Variants in ZNF454 observed in about 807,000 individuals in gnomAD.
The protein encoded by ZNF454 is zinc finger protein 454.
In ZNF454, 30 loss-of-function variants were observed where a neutral mutation model predicts 48.2. The observed-to-expected ratio is 0.62, with a 90% CI of 0.47 to 0.84. ZNF454 has a LOEUF of 0.84. ZNF454 is among the 40% of genes least tolerant of loss of function. ZNF454 has a pLI of 0.00. For synonymous variants in ZNF454, 204 were observed against 211.4 expected (o/e 0.97, Z 0.30); for missense variants, 510 against 623.1 (o/e 0.82, Z 1.93).
intron 4 of ZNF454, among the ~76,000 whole-genome samples, chr5:178,959,636 C>T (rs1374401249): frequency 2.0e-5 from 3 of 151,894 alleles, no homozygotes; most frequent in Non-Finnish European, 2.9e-5. Flanking sequence ...GACGGAGTCT[C>T]GCTCTGTTGC....
At chr5:178,984,802 T>TCGCCGGGAGTGGACAG in the ZNF454 span, among the ~76,000 whole-genome samples, 1 of 152,076 alleles carries the variant, frequency 6.6e-6, no homozygotes, top group Non-Finnish European at 1.5e-5. Context: ...GAGAAGGGGC[T>TCGCCGGGAGTGGACAG]CGCCGGGAGT....
chr5:178,961,176 G>A (rs978431098), intron 4 of ZNF454, among the ~76,000 whole-genome samples: 17 of 151,434 alleles, frequency 1.1e-4, no homozygotes, highest in African/African-American at 3.4e-4. Context: ...TGATCTGTCC[G>A]CCTCAGCCTC....
At chr5:178,954,934 C>T (rs1490501501) in intron 4 of ZNF454, among the ~76,000 whole-genome samples, 8 of 152,222 alleles carry the variant, frequency 5.3e-5, no homozygotes, top group African/African-American at 9.6e-5. Context: ...GGATGTACCA[C>T]GGTTTGCTCA....
intron 4 of ZNF454, among the ~76,000 whole-genome samples, chr5:178,955,735 TC>T (rs1295709451): frequency 6.6e-6 from 1 of 152,226 alleles, no homozygotes; most frequent in Non-Finnish European, 1.5e-5. Context: ...AAAATTTGTG[TC>T]AAAATGCTGT....
chr5:178,979,738 A>C, the ZNF454 span: 2 of 152,406 alleles, frequency 1.3e-5, no homozygotes, highest in Admixed American at 1.3e-4. Context: ...TAGAAGCCAG[A>C]GCGCACTGCA....
chr5:178,963,714 T>C (rs1760063268), intron 4 of ZNF454, among the ~76,000 whole-genome samples: 1 of 151,758 alleles, frequency 6.6e-6, no homozygotes, highest in Non-Finnish European at 1.5e-5. Flanking sequence ...TTCCCTCCCA[T>C]GGGTGTCACA....
the ZNF454 span, chr5:178,979,014 G>A: frequency 3.7e-3 from 571 of 152,442 alleles, 3 homozygotes; most frequent in Non-Finnish European, 5.8e-3. Context: ...CACTTTGGGA[G>A]GTGGAGGCAG....
At chr5:178,954,836 C>G (rs185906894) in intron 4 of ZNF454, among the ~76,000 whole-genome samples, 1 of 152,184 alleles carries the variant, frequency 6.6e-6, no homozygotes, top group South Asian at 2.1e-4. Context: ...TGTCTGGCTT[C>G]TTTACTGGCA....
chr5:178,955,333 G>C (rs1436027620), intron 4 of ZNF454, among the ~76,000 whole-genome samples: 1 of 152,140 alleles, frequency 6.6e-6, no homozygotes, highest in East Asian at 1.9e-4. Flanking sequence ...GTTAGCAGTA[G>C]GCTTTTTGTA....
At chr5:178,942,535 G>GT (rs1759147650) in intron 1 of ZNF454, 150 bp from the exon 2 acceptor site, 4 of 484,882 alleles carry the variant, frequency 8.2e-6, no homozygotes, top group Non-Finnish European at 1.1e-5. Flanking sequence ...TCAATGTATA[G>GT]TACCCTCAGA....
At chr5:178,947,084 G>GGATT (rs1759369284) in intron 4 of ZNF454, 98 bp downstream of exon 4, 1 of 967,568 alleles carries the variant, frequency 1.0e-6, no homozygotes, top group Non-Finnish European at 1.6e-6. Context: ...ACCTGCCTGA[G>GGATT]GATTGAGAAA....
chr5:178,986,481 G>A, the ZNF454 span: 2 of 1,611,646 alleles, frequency 1.2e-6, no homozygotes, highest in South Asian at 1.1e-5. Context: ...GCACGGCCAG[G>A]AGGAGCGGCG....
At chr5:178,961,786 C>G (rs1581879610) in intron 4 of ZNF454, among the ~76,000 whole-genome samples, 1 of 150,498 alleles carries the variant, frequency 6.6e-6, no homozygotes, top group East Asian at 2.1e-4. Context: ...CCACTGCACT[C>G]CAGCCTGGGC....
intron 4 of ZNF454, among the ~76,000 whole-genome samples, 188 bp downstream of exon 4, chr5:178,947,174 T>C (rs1759373623): frequency 6.6e-6 from 1 of 152,232 alleles, no homozygotes; most frequent in African/African-American, 2.4e-5. Flanking sequence ...GTAGCAGGCC[T>C]GGACCCTCCC....
the ZNF454 span, among the ~76,000 whole-genome samples, chr5:178,984,716 G>A: frequency 3.0e-4 from 46 of 152,280 alleles, no homozygotes; most frequent in African/African-American, 7.9e-4. Flanking sequence ...GCCCTGTTAC[G>A]TGGAGGAAGA....
rs1341729950 is a variant in ZNF454 at position 178,964,798 on chromosome 5, G to A, written c.394G>A (p.Gly132Ser). Residue 132 changes from glycine (G) to serine (S), a missense_variant, in exon 5 of 5, where the codon GGC (glycine) becomes AGC (serine). Physicochemically the swap from Gly to Ser is moderately conservative, Grantham distance 56. Coordinates refer to ENST00000519564, the MANE Select transcript of ZNF454 (RefSeq NM_001178089.3). ...TAGCCTGCTGGAGTGGCAATGTGGA[G>A]GCCAGGAGATCAGTTTGCAGCGAGT... Reference protein sequence around the residue: ...CASLLEWQCGGQEISLQRVVL... With the variant: ...CASLLEWQCGSQEISLQRVVL... 6.2e-7 allele frequency: 1 copy of A among 1,614,140 alleles called. No homozygotes were observed. Among genetic ancestry groups the A allele is most frequent in the Admixed American group, 1.7e-5 (1 of 60,020 alleles).
chr5:178,948,906 A>AT (rs34296342), intron 4 of ZNF454, among the ~76,000 whole-genome samples: 17 of 136,482 alleles, frequency 1.2e-4, no homozygotes, highest in Admixed American at 4.4e-4. Flanking sequence ...ATGTACACAG[A>AT]TTTTTTTTTT....
At position 178,965,300 on chromosome 5, in the gene ZNF454, C is replaced by G. The variant is rs1394542959; in HGVS notation, c.896C>G (p.Pro299Arg). Reference protein sequence around the residue: ...HHHRIHTGEKPFKCNICEKAF... With the variant: ...HHHRIHTGEKRFKCNICEKAF... ...CATAGAATACATACTGGAGAGAAAC[C>G]TTTTAAATGTAACATTTGTGAAAAA... The change falls in exon 5 of 5, where the codon CCT becomes CGT. Residue 299 changes from proline (P) to arginine (R), a missense_variant. By Grantham distance (103) the Pro-to-Arg change is moderately radical (BLOSUM62 -2). This residue lies in a region of ZNF454 where 354 missense variants were observed against 408.9 expected (regional missense o/e 0.87). Transcript: ENST00000519564. The surrounding 1 kb of genome is among the most constrained non-coding windows in gnomAD (Gnocchi z 5.2). 1 of 1,614,174 alleles carries G rather than the reference C, an allele frequency of 6.2e-7. No homozygotes were observed.
At chr5:178,975,479 C>A in the ZNF454 span, among the ~76,000 whole-genome samples, 26 of 152,184 alleles carry the variant, frequency 1.7e-4, no homozygotes, top group Admixed American at 1.7e-3. Context: ...GTGTCCACTA[C>A]ACTATTCTGC....
Sources: allele counts gnomAD v4.1 joint callset (sites outside exome capture counted in the v4.1 genomes callset), GRCh38; gene constraint gnomAD v4.1.1; regional missense constraint gnomAD v4.1.1; non-coding constraint Gnocchi (gnomAD v3.1); transcripts MANE v1.5; gene names NCBI Gene and HGNC (gene_info 2026-07-23, HGNC 2026-07-21).